GSK3B: variants seen among roughly 807,000 people sequenced by gnomAD.
GSK3B encodes the protein glycogen synthase kinase 3 beta.
Under a neutral mutation model 56.4 loss-of-function variants are expected in GSK3B, and 15 were observed. That is an observed-to-expected ratio of 0.27 (90% CI 0.18 to 0.41). The LOEUF (loss-of-function observed/expected upper bound fraction) is 0.41, where lower values mean the gene tolerates loss of function less well. GSK3B is among the 10% of genes least tolerant of loss of function. GSK3B has a pLI of 1.00. For synonymous variants in GSK3B, 181 were observed against 188.9 expected, an observed-to-expected ratio of 0.96 and a Z score of 0.34; for missense variants, 300 against 513.4, an observed-to-expected ratio of 0.58 and a Z score of 4.02.
At chr3:120,009,620 C>G (rs2057761493) in intron 1 of GSK3B, among the ~76,000 whole-genome samples, 1 of 151,938 alleles carries the variant, frequency 6.6e-6, no homozygotes, top group Admixed American at 6.6e-5. Flanking sequence ...TGTTCTCACT[C>G]ATAAGTGGGA....
At chr3:119,866,711 A>C in intron 8 of GSK3B, 2 of 860,546 alleles carry the variant, frequency 2.3e-6, no homozygotes, top group Non-Finnish European at 3.8e-6. Flanking sequence ...AAATATATCC[A>C]ATGTTATAAG....
chr3:120,064,874 T>C (rs1329864947), intron 1 of GSK3B, among the ~76,000 whole-genome samples: 1 of 152,152 alleles, frequency 6.6e-6, no homozygotes, highest in East Asian at 1.9e-4. Context: ...TGATGAGTAA[T>C]AAGAGTGCCA....
intron 7 of GSK3B, 142 bp downstream of exon 7, chr3:119,905,613 A>AC: frequency 1.6e-6 from 1 of 626,622 alleles, no homozygotes; most frequent in East Asian, 2.5e-5. Flanking sequence ...TCTTATACCC[A>AC]CTTTATAGCT....
intron 7 of GSK3B, among the ~76,000 whole-genome samples, 162 bp downstream of exon 7, chr3:119,905,593 G>C (rs1169757118): frequency 6.6e-6 from 1 of 152,008 alleles, no homozygotes. Context: ...CCAAAAGGCT[G>C]GGGGGGCGTT....
intron 2 of GSK3B, among the ~76,000 whole-genome samples, chr3:120,000,616 G>C (rs2057666278): frequency 6.6e-6 from 1 of 152,004 alleles, no homozygotes; most frequent in South Asian, 2.1e-4. Flanking sequence ...GTAGTAAAGG[G>C]AGCAACGCTG....
intron 1 of GSK3B, among the ~76,000 whole-genome samples, chr3:120,056,407 T>G (rs994766607): frequency 1.3e-5 from 2 of 152,184 alleles, no homozygotes; most frequent in Non-Finnish European, 2.9e-5. Flanking sequence ...TAGTACGATC[T>G]TGGCTGACTG....
At chr3:120,040,897 C>T (rs1007417091) in intron 1 of GSK3B, among the ~76,000 whole-genome samples, 17 of 151,698 alleles carry the variant, frequency 1.1e-4, no homozygotes, top group African/African-American at 4.1e-4. Flanking sequence ...CTCCTCCTTA[C>T]AATTCTCACT....
At chr3:120,053,319 AGAGT>A (rs137994712) in intron 1 of GSK3B, among the ~76,000 whole-genome samples, 1,637 of 152,350 alleles carry the variant, frequency 0.011, 23 homozygotes, top group African/African-American at 0.038. Flanking sequence ...CCTGGGCGAC[AGAGT>A]GAGACACTGG....
In GSK3B at chr3:120,093,888, G is replaced by A. The variant is rs574789354; in HGVS notation, c.-454C>T. 2.3e-5 allele frequency: 5 copies of A among 216,688 alleles called. No individual in the cohort carries two copies. The highest frequency in any genetic ancestry group is 1.6e-4 in the South Asian group (1 of 6,120). 13.4% of individuals were successfully genotyped at this position (216,688 alleles called of 1,614,324 possible). ...CGAGTCTCACGCTTGAAGAGAAAGGGGGATGGGTAGGAGGGAGGGAGAGGG... is the reference window on the plus strand; with the variant it reads ...CGAGTCTCACGCTTGAAGAGAAAGGAGGATGGGTAGGAGGGAGGGAGAGGG... On this transcript the variant is annotated 5_prime_UTR_variant, in exon 1 of 11. Transcript: ENST00000264235.
chr3:119,936,464 G>A lies in GSK3B; in HGVS notation c.366+10804C>T, dbSNP rs966742912. 8.7e-4 allele frequency among the ~76,000 whole-genome samples: 131 copies of A among 150,206 alleles called. 1 individual carries two copies. The highest frequency in any genetic ancestry group is 2.9e-3 in the African/African-American group (119 of 40,774). On this transcript the variant is annotated intron_variant, in intron 3 of 10. Transcript: ENST00000264235. ...CAGGTTCAAGTGATTCTCCTGCCTC[G>A]GCCTCCTGAGTAGCTGGGATTACAG...
chr3:120,040,620 G>A (rs905947944), intron 1 of GSK3B, among the ~76,000 whole-genome samples: 2 of 151,964 alleles, frequency 1.3e-5, no homozygotes, highest in African/African-American at 2.4e-5. Flanking sequence ...TGGGAAATAC[G>A]CCAAGCAAGA....
chr3:120,040,242 T>C (rs2058053909), intron 1 of GSK3B, among the ~76,000 whole-genome samples: 1 of 152,238 alleles, frequency 6.6e-6, no homozygotes. Flanking sequence ...TAAGCACTAC[T>C]GCTGTGCAGA....
At chr3:120,078,823 T>C (rs1254403114) in intron 1 of GSK3B, among the ~76,000 whole-genome samples, 4 of 150,140 alleles carry the variant, frequency 2.7e-5, no homozygotes, top group South Asian at 2.1e-4. Flanking sequence ...CTGGGAGGGA[T>C]TACAGACGTG....
chr3:119,927,415 C>T (rs2056898760), intron 3 of GSK3B, among the ~76,000 whole-genome samples: 1 of 151,972 alleles, frequency 6.6e-6, no homozygotes, highest in Non-Finnish European at 1.5e-5. Context: ...GCAATAGGGA[C>T]TTTTTTTAAA....
chr3:119,837,395 G>A (rs902911265), intron 10 of GSK3B, among the ~76,000 whole-genome samples: 29 of 147,596 alleles, frequency 2.0e-4, no homozygotes, highest in African/African-American at 7.3e-4. Flanking sequence ...TCGATCTCTT[G>A]ACCTCGTGAT....
At chr3:119,982,583 G>A (rs1169373286) in intron 2 of GSK3B, among the ~76,000 whole-genome samples, 1 of 152,178 alleles carries the variant, frequency 6.6e-6, no homozygotes, top group Non-Finnish European at 1.5e-5. Context: ...AGCTTCAATA[G>A]CTGATTCGAT....
chr3:120,024,118 C>T (rs1054712304), intron 1 of GSK3B, among the ~76,000 whole-genome samples: 4 of 151,956 alleles, frequency 2.6e-5, no homozygotes, highest in African/African-American at 9.7e-5. Flanking sequence ...GCTGTTTGAG[C>T]CCAGGAGTTC....
chr3:119,978,409 C>T (rs1190676983), intron 2 of GSK3B, among the ~76,000 whole-genome samples: 5 of 152,196 alleles, frequency 3.3e-5, no homozygotes, highest in Non-Finnish European at 4.4e-5. Context: ...CACTTCTTAA[C>T]GAAATCGGCC....
chr3:119,886,047 G>A (rs979291128), intron 7 of GSK3B, among the ~76,000 whole-genome samples: 4 of 151,538 alleles, frequency 2.6e-5, no homozygotes, highest in Admixed American at 1.3e-4. Context: ...AAATTGGTGA[G>A]AACTAATTAA....
Sources: gnomAD v4.1 joint callset for allele counts (sites outside exome capture counted in the v4.1 genomes callset) on GRCh38, gnomAD v4.1.1 for gene constraint, MANE v1.5 for transcripts, NCBI Gene and HGNC (gene_info 2026-07-23, HGNC 2026-07-21) for gene names.